The following KIAA1328 variants were observed in gnomAD, a reference collection of about 807,000 sequenced individuals.
KIAA1328 encodes KIAA1328.
A neutral mutation model predicts 68.1 loss-of-function variants in KIAA1328; 52 were observed. That is an observed-to-expected ratio of 0.76 (90% CI 0.61 to 0.96). The LOEUF is 0.96. Among genes scored for constraint, KIAA1328 ranks in the 40% least tolerant of loss-of-function variants. KIAA1328 has a pLI of 0.00. For missense variants in KIAA1328, 641 were observed against 677.6 expected (o/e 0.95, Z 0.60); for synonymous variants, 232 against 239.4 (o/e 0.97, Z 0.28).
At chr18:36,936,548 T>C (rs929099955) in intron 5 of KIAA1328, among the ~76,000 whole-genome samples, 6 of 152,262 alleles carry the variant, frequency 3.9e-5, no homozygotes, top group Non-Finnish European at 8.8e-5. Flanking sequence ...ATGTCTTTGC[T>C]ATTGTAAATA....
At chr18:37,112,613 G>T (rs190989653) in intron 7 of KIAA1328, among the ~76,000 whole-genome samples, 3 of 152,194 alleles carry the variant, frequency 2.0e-5, no homozygotes, top group Non-Finnish European at 4.4e-5. Flanking sequence ...CCAAAGGAAC[G>T]CAGGTCCTCA....
In KIAA1328 at chr18:37,158,003, G is replaced by T. The variant is rs887054755; in HGVS notation, c.1233-2197G>T. On this transcript the variant is annotated intron_variant, in intron 7 of 9. Coordinates refer to ENST00000280020, the MANE Select transcript of KIAA1328 (RefSeq NM_020776.3). ...CTCATGCTGTTGTTCATGTAATTCT[G>T]CAGGAGAAATTCCTTTTTTTTTCTT... 5.9e-5 allele frequency among the ~76,000 whole-genome samples: 9 copies of T among 151,548 alleles called. No individual in the cohort carries two copies. The South Asian group carries it at 1.0e-3, about 18-fold the overall frequency.
At chr18:37,062,241 T>G (rs371605357) in intron 6 of KIAA1328, among the ~76,000 whole-genome samples, 2 of 152,124 alleles carry the variant, frequency 1.3e-5, no homozygotes, top group Non-Finnish European at 2.9e-5. Flanking sequence ...AGTTTAGATA[T>G]AACCTGTTGT....
chr18:36,840,189 G>C (rs1568061521), intron 3 of KIAA1328, among the ~76,000 whole-genome samples: 1 of 152,152 alleles, frequency 6.6e-6, no homozygotes, highest in East Asian at 1.9e-4. Context: ...CAGTTGTAGG[G>C]CTCGCCTTGT....
intron 6 of KIAA1328, among the ~76,000 whole-genome samples, chr18:37,015,964 C>T (rs982121630): frequency 6.6e-6 from 1 of 152,102 alleles, no homozygotes; most frequent in Non-Finnish European, 1.5e-5. Context: ...AGTTTGACTT[C>T]TTTTCCTATT....
intron 7 of KIAA1328, among the ~76,000 whole-genome samples, chr18:37,111,263 G>A (rs2057921970): frequency 6.6e-6 from 1 of 152,186 alleles, no homozygotes; most frequent in Admixed American, 6.5e-5. Context: ...GCTATCCACA[G>A]GGAGAATTTT....
intron 7 of KIAA1328, among the ~76,000 whole-genome samples, chr18:37,151,279 A>C (rs2059022694): frequency 6.6e-6 from 1 of 152,168 alleles, no homozygotes; most frequent in Admixed American, 6.5e-5. Flanking sequence ...ATTTAAGAAA[A>C]CTAAATGGAA....
intron 6 of KIAA1328, among the ~76,000 whole-genome samples, chr18:37,004,203 C>G (rs1035711774): frequency 3.3e-5 from 5 of 151,866 alleles, no homozygotes; most frequent in Non-Finnish European, 5.9e-5. Flanking sequence ...CAATATTGAT[C>G]GTACCCATCC....
At chr18:36,922,015 C>T (rs1317415044) in intron 5 of KIAA1328, among the ~76,000 whole-genome samples, 2 of 152,028 alleles carry the variant, frequency 1.3e-5, no homozygotes, top group East Asian at 1.9e-4. Flanking sequence ...GCAACCTCCA[C>T]CTCCCAGCTT....
At chr18:37,213,206 T>G (rs2060352237) in intron 9 of KIAA1328, among the ~76,000 whole-genome samples, 2 of 152,224 alleles carry the variant, frequency 1.3e-5, no homozygotes, top group African/African-American at 4.8e-5. Flanking sequence ...CGTGCAAGTT[T>G]GTGACATATG....
intron 6 of KIAA1328, among the ~76,000 whole-genome samples, chr18:36,986,067 C>A (rs1292944674): frequency 6.6e-6 from 1 of 151,848 alleles, no homozygotes; most frequent in African/African-American, 2.4e-5. Flanking sequence ...TAAGAAAGTG[C>A]AAAATATACA....
chr18:37,123,065 G>A (rs969645762), intron 7 of KIAA1328, among the ~76,000 whole-genome samples: 1 of 152,128 alleles, frequency 6.6e-6, no homozygotes, highest in African/African-American at 2.4e-5. Flanking sequence ...TGTAGAACTT[G>A]AGCAAATATT....
rs528123508 is a variant in KIAA1328 at position 37,150,574 on chromosome 18, GA to G, written c.1233-9615del. ...ACATAAATTCATGGACACAAATGCA[GA>G]AAAAAAAAAACCCCACAAAAAAATC... On this transcript the variant is annotated intron_variant, in intron 7 of 9. Transcript: ENST00000280020. Among the ~76,000 whole-genome samples, 286 of 135,402 alleles carry G rather than the reference GA, an allele frequency of 2.1e-3. 1 individual carries two copies. Among genetic ancestry groups the G allele is most frequent in the African/African-American group, 5.9e-3 (220 of 37,160 alleles). The allele number at this position is 135,402 out of a possible 152,430, so 88.8% of individuals were successfully genotyped here.
At chr18:37,198,013 C>T (rs1446594880) in intron 9 of KIAA1328, among the ~76,000 whole-genome samples, 1 of 151,900 alleles carries the variant, frequency 6.6e-6, no homozygotes, top group Non-Finnish European at 1.5e-5. Context: ...TATTATTTGG[C>T]AACAAAAAGG....
intron 6 of KIAA1328, among the ~76,000 whole-genome samples, chr18:37,006,406 C>A (rs546167239): frequency 1.3e-5 from 2 of 151,982 alleles, no homozygotes; most frequent in African/African-American, 4.8e-5. Flanking sequence ...TTCTAAAATG[C>A]GTCAGATTAT....
At chr18:37,119,716 TTGTGTGTGTG>T (rs147067729) in intron 7 of KIAA1328, among the ~76,000 whole-genome samples, 1 of 151,614 alleles carries the variant, frequency 6.6e-6, no homozygotes, top group Admixed American at 6.6e-5. Context: ...TAGTGTGTGT[TTGTGTGTGTG>T]TGTGAATGTA....
intron 9 of KIAA1328, among the ~76,000 whole-genome samples, chr18:37,181,539 C>T (rs2059698564): frequency 6.6e-6 from 1 of 152,124 alleles, no homozygotes; most frequent in Non-Finnish European, 1.5e-5. Context: ...ATCCATTCCT[C>T]TTATACACAC....
At chr18:36,840,458 ATTT>A (rs199672374) in intron 3 of KIAA1328, among the ~76,000 whole-genome samples, 3 of 133,232 alleles carry the variant, frequency 2.3e-5, no homozygotes, top group Admixed American at 7.4e-5. Context: ...ATGTCTTGTG[ATTT>A]TTTTTTTTTT....
At chr18:37,090,459 A>G (rs1454849808) in intron 7 of KIAA1328, among the ~76,000 whole-genome samples, 1 of 152,202 alleles carries the variant, frequency 6.6e-6, no homozygotes. Context: ...GCTCTATAGT[A>G]TTCTCCCCTG....
Sources: gnomAD v4.1 joint callset for allele counts (sites outside exome capture counted in the v4.1 genomes callset) on GRCh38, gnomAD v4.1.1 for gene constraint, MANE v1.5 for transcripts, NCBI Gene and HGNC (gene_info 2026-07-23, HGNC 2026-07-21) for gene names.